Variants in NOL4L observed in about 807,000 individuals in gnomAD.
NOL4L encodes the protein nucleolar protein 4-like.
A neutral mutation model predicts 64.5 loss-of-function variants in NOL4L; 7 were observed. The observed-to-expected ratio is 0.11, with a 90% confidence interval of 0.06 to 0.20. NOL4L has a LOEUF of 0.20. Among genes scored for constraint, NOL4L ranks in the 10% least tolerant of loss-of-function variants. NOL4L has a pLI of 1.00. For missense variants in NOL4L, 680 were observed against 967.1 expected, an observed-to-expected ratio of 0.70 and a Z score of 3.94; for synonymous variants, 413 against 401.0, an observed-to-expected ratio of 1.03 and a Z score of -0.36.
chr20:32,472,482 C>T (rs2015095247), intron 5 of NOL4L, among the ~76,000 whole-genome samples: 1 of 152,190 alleles, frequency 6.6e-6, no homozygotes, highest in Non-Finnish European at 1.5e-5. Context: ...AGTCCTGCGT[C>T]AATAACAGGG....
chr20:32,572,122 G>A (rs146446641), intron 1 of NOL4L, among the ~76,000 whole-genome samples: 57 of 152,320 alleles, frequency 3.7e-4, no homozygotes, highest in East Asian at 1.2e-3. Flanking sequence ...GAAGGATGGC[G>A]ATTTAAGGAG....
chr20:32,472,207 C>T (rs527624798), intron 5 of NOL4L, among the ~76,000 whole-genome samples: 5 of 152,204 alleles, frequency 3.3e-5, no homozygotes, highest in South Asian at 4.1e-4. Context: ...AATGTTTGTT[C>T]GTTTGTTCAT....
At chr20:32,513,511 G>C (rs150312523) in intron 3 of NOL4L, among the ~76,000 whole-genome samples, 1 of 152,170 alleles carries the variant, frequency 6.6e-6, no homozygotes, top group Non-Finnish European at 1.5e-5. Flanking sequence ...TGATGAAAAA[G>C]TTTTGGAAAT....
intron 4 of NOL4L, among the ~76,000 whole-genome samples, chr20:32,475,521 G>A (rs972910232): frequency 1.3e-5 from 2 of 152,230 alleles, no homozygotes; most frequent in African/African-American, 4.8e-5. Flanking sequence ...GCCGGCCCTT[G>A]GCCAGTCATC....
chr20:32,521,080 T>C (rs2017916440), intron 2 of NOL4L, among the ~76,000 whole-genome samples, 158 bp from the exon 3 acceptor site: 1 of 152,218 alleles, frequency 6.6e-6, no homozygotes, highest in African/African-American at 2.4e-5. Flanking sequence ...GATTCTCAGC[T>C]GTGGCAATGA....
chr20:32,496,366 C>T (rs989705372), intron 4 of NOL4L, among the ~76,000 whole-genome samples: 2 of 152,104 alleles, frequency 1.3e-5, no homozygotes, highest in Non-Finnish European at 2.9e-5. Flanking sequence ...ATTATCTACC[C>T]CAAATTTCCT....
intron 4 of NOL4L, among the ~76,000 whole-genome samples, chr20:32,478,529 T>C (rs1010096661): frequency 1.3e-5 from 2 of 152,156 alleles, no homozygotes; most frequent in Non-Finnish European, 2.9e-5. Context: ...CCCAGGAAGT[T>C]TTCCCACAGC....
intron 4 of NOL4L, among the ~76,000 whole-genome samples, chr20:32,494,504 A>C (rs887356171): frequency 3.3e-5 from 5 of 151,966 alleles, no homozygotes; most frequent in African/African-American, 1.2e-4. Context: ...TCTCTGCCCA[A>C]GCCTTCGGCA....
rs1952475777 is a variant in NOL4L, at chr20:32,445,833, TC to T, written c.*1762del. On this transcript the variant is annotated 3_prime_UTR_variant, in exon 11 of 11. Transcript: ENST00000621426. ...GGGTGGGCACCCTACCTTTCAGAGT[TC>T]TGGACCTGAGGCAGGATGGGGCATC... 1 of 152,178 alleles carries T rather than the reference TC, an allele frequency of 6.6e-6. No individual in the cohort carries two copies. The highest frequency in any genetic ancestry group is 2.4e-5 in the African/African-American group (1 of 41,342). 9.4% of individuals were successfully genotyped at this position (152,178 alleles called of 1,614,324 possible).
At chr20:32,504,789 T>C (rs2017073371) in intron 4 of NOL4L, among the ~76,000 whole-genome samples, 1 of 151,994 alleles carries the variant, frequency 6.6e-6, no homozygotes, top group South Asian at 2.1e-4. Flanking sequence ...TTTTTAGAAA[T>C]GGAGTTTCCT....
Position 32,445,565 on chromosome 20 carries a change from G to A in NOL4L, c.*2031C>T, listed in dbSNP as rs1051676828. On this transcript the variant is annotated 3_prime_UTR_variant, in exon 11 of 11. Transcript: ENST00000621426. ...CACACACAAAAATAAATATTTACACGAATTCAAATGTTGAGTAGTACTGAG... is the reference window on the plus strand; with the variant it reads ...CACACACAAAAATAAATATTTACACAAATTCAAATGTTGAGTAGTACTGAG... The A allele has an allele frequency of 1.3e-5, 2 of 152,172 alleles. No individual in the cohort carries two copies. The highest frequency in any genetic ancestry group is 2.9e-5 in the Non-Finnish European group (2 of 68,036). 9.4% of individuals were successfully genotyped at this position (152,172 alleles called of 1,614,324 possible). A position where few individuals can be genotyped will look rare whatever the true frequency, so the allele number is the denominator to read the frequency against.
chr20:32,527,830 C>A lies in NOL4L; in HGVS notation c.405G>T (p.Ser135=), dbSNP rs1302296790. 1.3e-6 allele frequency: 2 copies of A among 1,550,596 alleles called. No homozygotes were observed. Among genetic ancestry groups the A allele is most frequent in the South Asian group, 2.4e-5 (2 of 84,062 alleles). Residue 135 remains serine, a synonymous_variant, in exon 2 of 11, where the codon TCG becomes TCT. Coordinates refer to ENST00000621426, the MANE Select transcript of NOL4L (RefSeq NM_001256798.2). The stretch of plus-strand genomic sequence containing the variant: ...GCTCCGCTGAGCTCTCCACATGCAT[C>A]GAGTAGATGATGTCAAAGAAATCTT... ...VVEDFFDIIY[S]MHVESSAEPG... is the part of the protein sequence containing the mutation.
At chr20:32,540,816 C>T (rs1447763366) in intron 1 of NOL4L, among the ~76,000 whole-genome samples, 1 of 152,094 alleles carries the variant, frequency 6.6e-6, no homozygotes, top group African/African-American at 2.4e-5. Context: ...GCATCCCATG[C>T]CCAGCTCCAC....
At chr20:32,572,888 C>A (rs1426359210) in intron 1 of NOL4L, among the ~76,000 whole-genome samples, 1 of 152,210 alleles carries the variant, frequency 6.6e-6, no homozygotes, top group African/African-American at 2.4e-5. Flanking sequence ...CTGCCCCGGA[C>A]TCCATGTCCG....
intron 1 of NOL4L, 65 bp downstream of exon 1, chr20:32,584,505 G>A: frequency 4.1e-6 from 2 of 484,402 alleles, no homozygotes; most frequent in Non-Finnish European, 5.7e-6. Context: ...CCCCCACCCC[G>A]CCCCCGCCCG....
At chr20:32,483,568 AGCG>A in intron 4 of NOL4L, 1 of 954,832 alleles carries the variant, frequency 1.0e-6, no homozygotes, top group Non-Finnish European at 1.2e-6. Flanking sequence ...CAGCGGCGGC[AGCG>A]GCGGCGGCGC....
intron 1 of NOL4L, among the ~76,000 whole-genome samples, chr20:32,538,466 C>G (rs939687256): frequency 4.7e-4 from 8 of 17,196 alleles, no homozygotes; most frequent in African/African-American, 6.5e-4. Flanking sequence ...TCCCTCGCTC[C>G]CTCCCTCCCT....
rs945958946 is a variant in NOL4L at position 32,453,237 on chromosome 20, C to A, written c.1497+67G>T. On this transcript the variant is annotated intron_variant, in intron 8 of 10. Coordinates refer to ENST00000621426, the MANE Select transcript of NOL4L (RefSeq NM_001256798.2). The surrounding 1 kb of genome is among the most constrained non-coding windows in gnomAD (Gnocchi z 5.6). Reference sequence around the variant, plus strand: ...CCCTGGGTGAAGGGGCCCGGGCATCCTGGGAGTGTGGCAGGAGGTCAGTAG... The same window carrying A: ...CCCTGGGTGAAGGGGCCCGGGCATCATGGGAGTGTGGCAGGAGGTCAGTAG... The A allele has an allele frequency of 1.3e-6, 2 of 1,563,628 alleles. No individual in the cohort carries two copies. Among genetic ancestry groups the A allele is most frequent in the Admixed American group, 3.5e-5 (2 of 57,464 alleles).
chr20:32,553,466 C>T (rs561883715), intron 1 of NOL4L, among the ~76,000 whole-genome samples: 2 of 152,354 alleles, frequency 1.3e-5, no homozygotes, highest in South Asian at 4.1e-4. Flanking sequence ...GATGTTCTCT[C>T]ACCTCCAGTG....
Sources: gnomAD v4.1 joint callset for allele counts (sites outside exome capture counted in the v4.1 genomes callset) on GRCh38, gnomAD v4.1.1 for gene constraint, Gnocchi (gnomAD v3.1) non-coding constraint, MANE v1.5 for transcripts, NCBI Gene and HGNC (gene_info 2026-07-23, HGNC 2026-07-21) for gene names.